KAZN: variants seen among roughly 807,000 people sequenced by gnomAD.
The protein encoded by KAZN is kazrin.
Under a neutral mutation model 87.4 loss-of-function variants are expected in KAZN, and 40 were observed. The ratio of observed to expected loss-of-function variants is 0.46; its 90% CI spans 0.36 to 0.60. The LOEUF (loss-of-function observed/expected upper bound fraction) is 0.60. KAZN is among the 20% of genes least tolerant of loss of function. The probability of loss-of-function intolerance (pLI) is 0.00; values close to 1 mark genes in which losing one functional copy is unlikely to be tolerated. For missense variants in KAZN, 898 were observed against 1,073.9 expected (o/e 0.84, Z 2.29); for synonymous variants, 466 against 458.3 (o/e 1.02, Z -0.22).
intron 1 of KAZN, among the ~76,000 whole-genome samples, chr1:14,165,609 C>G (rs1645808648): frequency 1.3e-5 from 2 of 152,160 alleles, no homozygotes; most frequent in Admixed American, 1.3e-4. Flanking sequence ...GCCTCCAAAG[C>G]AAAGGAAGCT....
chr1:14,139,588 T>C (rs1414209077), intron 1 of KAZN, among the ~76,000 whole-genome samples: 2 of 152,214 alleles, frequency 1.3e-5, no homozygotes, highest in Admixed American at 6.5e-5. Context: ...CTTGACCTGA[T>C]ATTTTAGTTA....
At chr1:14,314,255 G>C (rs969176592) in intron 2 of KAZN, among the ~76,000 whole-genome samples, 1 of 152,118 alleles carries the variant, frequency 6.6e-6, no homozygotes, top group African/African-American at 2.4e-5. Context: ...ACCTGATCTT[G>C]CAACACCTAC....
At chr1:14,462,763 A>G (rs1353440377) in intron 2 of KAZN, among the ~76,000 whole-genome samples, 1 of 152,166 alleles carries the variant, frequency 6.6e-6, no homozygotes, top group Non-Finnish European at 1.5e-5. Context: ...TTATAAAACC[A>G]TCAGATCTTG....
At chr1:14,701,267 T>C (rs894014519) in intron 1 of KAZN, among the ~76,000 whole-genome samples, 2 of 152,138 alleles carry the variant, frequency 1.3e-5, no homozygotes, top group Non-Finnish European at 1.5e-5. Context: ...ACTGCAGGCA[T>C]GTGCCACCAT....
intron 1 of KAZN, among the ~76,000 whole-genome samples, chr1:14,052,653 G>C (rs988896834): frequency 1.3e-5 from 2 of 152,176 alleles, no homozygotes; most frequent in African/African-American, 4.8e-5. Context: ...GATGTGTAGG[G>C]GGGCAGAGGC....
chr1:14,067,093 T>A (rs1454742547), intron 1 of KAZN, among the ~76,000 whole-genome samples: 2 of 152,038 alleles, frequency 1.3e-5, no homozygotes, highest in Non-Finnish European at 2.9e-5. Flanking sequence ...TATCTAGTAT[T>A]CTTTATTTAC....
intron 1 of KAZN, among the ~76,000 whole-genome samples, chr1:14,754,912 G>T (rs1165730557): frequency 6.6e-6 from 1 of 151,884 alleles, no homozygotes; most frequent in Admixed American, 6.6e-5. Context: ...TGAGAACAAA[G>T]ACATGGATTT....
intron 4 of KAZN, among the ~76,000 whole-genome samples, chr1:15,048,673 CCTGGGTCGTT>C (rs1557754444): frequency 9.3e-4 from 133 of 143,220 alleles, no homozygotes; most frequent in African/African-American, 3.4e-3. Flanking sequence ...GGTCGCTGGT[CCTGGGTCGTT>C]GGTCCTGGGT....
At chr1:14,620,611 T>G (rs926862613) in intron 1 of KAZN, among the ~76,000 whole-genome samples, 11 of 152,198 alleles carry the variant, frequency 7.2e-5, no homozygotes, top group Non-Finnish European at 8.8e-5. Context: ...TTCTGCTGCT[T>G]CTTTCTGAAA....
At chr1:14,591,438 C>T (rs192339753) in intron 2 of KAZN, among the ~76,000 whole-genome samples, 1 of 151,988 alleles carries the variant, frequency 6.6e-6, no homozygotes, top group Admixed American at 6.6e-5. Flanking sequence ...CACACACACA[C>T]ACACACACAC....
intron 1 of KAZN, among the ~76,000 whole-genome samples, chr1:14,053,238 A>G (rs1357565262): frequency 6.6e-6 from 1 of 152,240 alleles, no homozygotes; most frequent in Non-Finnish European, 1.5e-5. Flanking sequence ...GTGGCATGAA[A>G]TGTAGTTCTA....
intron 1 of KAZN, among the ~76,000 whole-genome samples, chr1:14,023,591 C>T (rs111550977): frequency 9.9e-5 from 15 of 152,214 alleles, no homozygotes; most frequent in African/African-American, 3.6e-4. Context: ...CTTGGGTGGA[C>T]ATTGACTGTA....
intron 4 of KAZN, among the ~76,000 whole-genome samples, chr1:15,047,827 T>G (rs190596683): frequency 3.0e-4 from 46 of 152,156 alleles, no homozygotes; most frequent in Non-Finnish European, 6.2e-4. Context: ...GGGGGGATGG[T>G]GCACTCAGCA....
chr1:14,096,257 G>A (rs759382113), intron 1 of KAZN, among the ~76,000 whole-genome samples: 1 of 152,178 alleles, frequency 6.6e-6, no homozygotes, highest in African/African-American at 2.4e-5. Flanking sequence ...GATTCAGAGA[G>A]AGGCAGGACA....
Position 15,014,590 on chromosome 1 carries a change from G to A in KAZN, c.419-20159G>A, listed in dbSNP as rs559797339. Among the ~76,000 whole-genome samples the A allele has an allele frequency of 2.6e-5, 4 of 152,262 alleles. No homozygotes were observed. The East Asian group carries it at 5.8e-4, about 22-fold the overall frequency. On this transcript the variant is annotated intron_variant, in intron 2 of 14. Transcript: ENST00000376030. ...GAAAAGCGCCCTAAAACCCTGCTCC[G>A]GGCTTCTTGTGTGGGAGAGCATTTG...
At chr1:14,356,938 A>T (rs910494276) in intron 2 of KAZN, among the ~76,000 whole-genome samples, 11 of 152,068 alleles carry the variant, frequency 7.2e-5, no homozygotes, top group African/African-American at 2.7e-4. Flanking sequence ...TGAAATTTAG[A>T]GTAGTTTTTT....
intron 2 of KAZN, among the ~76,000 whole-genome samples, chr1:14,235,854 G>A (rs1648371735): frequency 6.6e-6 from 1 of 152,138 alleles, no homozygotes; most frequent in Admixed American, 6.5e-5. Flanking sequence ...TAGCAATCCA[G>A]TCTCTTTTTG....
At chr1:14,031,078 C>T (rs1570570353) in intron 1 of KAZN, among the ~76,000 whole-genome samples, 1 of 152,100 alleles carries the variant, frequency 6.6e-6, no homozygotes, top group South Asian at 2.1e-4. Flanking sequence ...GTTGAAGGGT[C>T]AATATAGGAC....
At chr1:14,935,419 C>T (rs1397460478) in intron 1 of KAZN, among the ~76,000 whole-genome samples, 1 of 152,044 alleles carries the variant, frequency 6.6e-6, no homozygotes, top group Non-Finnish European at 1.5e-5. Flanking sequence ...AGCCCCATCC[C>T]CCAGAACCGC....
Sources: allele counts gnomAD v4.1 joint callset (sites outside exome capture counted in the v4.1 genomes callset), GRCh38; gene constraint gnomAD v4.1.1; transcripts MANE v1.5; gene names NCBI Gene and HGNC (gene_info 2026-07-23, HGNC 2026-07-21).